Variants in KCNH8 observed in about 807,000 individuals in gnomAD.
KCNH8 encodes potassium voltage-gated channel subfamily H member 8.
In KCNH8, 70 loss-of-function variants were observed where a neutral mutation model predicts 103.6. The ratio of observed to expected loss-of-function variants is 0.68; its 90% CI spans 0.56 to 0.82. The LOEUF is 0.82. KCNH8 is among the 40% of genes least tolerant of loss of function. The pLI is 0.00. For synonymous variants in KCNH8, 498 were observed against 489.4 expected (o/e 1.02, Z -0.23); for missense variants, 1,217 against 1,329.9 (o/e 0.92, Z 1.32).
At chr3:19,321,105 T>G (rs918432986) in intron 3 of KCNH8, among the ~76,000 whole-genome samples, 2 of 152,030 alleles carry the variant, frequency 1.3e-5, no homozygotes, top group African/African-American at 4.8e-5. Context: ...TGATGGTCTA[T>G]GCGTTTTATT....
chr3:19,476,193 C>T (rs1055025045), intron 11 of KCNH8, among the ~76,000 whole-genome samples: 4 of 152,240 alleles, frequency 2.6e-5, no homozygotes, highest in South Asian at 2.1e-4. Context: ...GCTAATTGAG[C>T]TTAACCGAGG....
At chr3:19,322,458 T>C (rs1273425621) in intron 3 of KCNH8, among the ~76,000 whole-genome samples, 1 of 152,202 alleles carries the variant, frequency 6.6e-6, no homozygotes, top group Non-Finnish European at 1.5e-5. Flanking sequence ...TGAAGCTTAG[T>C]TTCACTGCAT....
At position 19,281,285 on chromosome 3, in the gene KCNH8, T is replaced by C. The variant is rs1235273335; in HGVS notation, c.398T>C (p.Ile133Thr). The C allele has an allele frequency of 1.2e-6, 2 of 1,611,018 alleles. No individual in the cohort carries two copies. The highest frequency in any genetic ancestry group is 8.5e-7 in the Non-Finnish European group (1 of 1,178,196). Residue 133 changes from isoleucine to threonine, a missense_variant, in exon 3 of 16, where the codon ATA (isoleucine) becomes ACA (threonine). By Grantham distance (89) the Ile-to-Thr change is moderately conservative. This residue lies in a region of KCNH8 where 244 missense variants were observed against 256.8 expected (regional missense o/e 0.95). Coordinates refer to ENST00000328405, the MANE Select transcript of KCNH8 (RefSeq NM_144633.3). ...VVLFLASFKD[I>T]TDTKVKITPE... Reference sequence around the variant, plus strand: ...CTTTTTCTGGCCTCGTTCAAAGATATAACAGATACAAAAGTGAAGATTACT... The same window carrying C: ...CTTTTTCTGGCCTCGTTCAAAGATACAACAGATACAAAAGTGAAGATTACT...
In KCNH8 at chr3:19,451,319, T is replaced by A. The variant is rs767727638; in HGVS notation, c.1740T>A (p.Arg580=). The part of the protein sequence containing the change: ...SFCAPGEYLL[R]QGDALQAIYF... ...GTGCTCCGGGGGAGTATCTGCTGCG[T>A]CAAGGGGATGCTTTGCAGGCCATCT... Residue 580 remains arginine, a synonymous_variant, in exon 10 of 16, where the codon CGT becomes CGA. Coordinates refer to ENST00000328405, the MANE Select transcript of KCNH8 (RefSeq NM_144633.3). 3 of 1,613,788 alleles carry A rather than the reference T, an allele frequency of 1.9e-6. No individual in the cohort carries two copies. The highest frequency in any genetic ancestry group is 1.7e-5 in the Admixed American group (1 of 59,958).
intron 1 of KCNH8, among the ~76,000 whole-genome samples, chr3:19,239,713 A>C (rs1028428230): frequency 2.0e-5 from 3 of 151,902 alleles, no homozygotes; most frequent in African/African-American, 7.3e-5. Context: ...TAAGCTGTCT[A>C]TCTAATCTAG....
Position 19,395,094 on chromosome 3 carries a change from C to T in KCNH8, c.970-10C>T, listed in dbSNP as rs1255855982. On this transcript the variant is annotated splice_polypyrimidine_tract_variant and intron_variant, in intron 6 of 15. Coordinates refer to ENST00000328405, the MANE Select transcript of KCNH8 (RefSeq NM_144633.3). ...TGCACCAAGTTGTGCTGCTCTGTCT[C>T]TTACCACAGGTGTCTCTCGTGCATC... 1 of 1,607,226 alleles carries T rather than the reference C, an allele frequency of 6.2e-7. No homozygotes were observed. The highest frequency in any genetic ancestry group is 1.7e-5 in the Admixed American group (1 of 59,882).
intron 2 of KCNH8, among the ~76,000 whole-genome samples, chr3:19,261,107 A>G (rs1219612118): frequency 1.3e-5 from 2 of 151,246 alleles, no homozygotes; most frequent in East Asian, 3.9e-4. Context: ...TTCTTTTAAT[A>G]TATACTCAGA....
At chr3:19,290,743 A>C (rs2064908597) in intron 3 of KCNH8, among the ~76,000 whole-genome samples, 1 of 152,194 alleles carries the variant, frequency 6.6e-6, no homozygotes, top group South Asian at 2.1e-4. Context: ...CTTTGGTATC[A>C]GGATGATGCT....
intron 7 of KCNH8, among the ~76,000 whole-genome samples, chr3:19,403,361 AATATATATATATATATATATAT>A (rs57523893): frequency 0.026 from 3,292 of 124,552 alleles, 102 homozygotes; most frequent in Non-Finnish European, 0.043. Context: ...ATATGTAAAG[AATATATATATATATATATATAT>A]ATATATATAT....
chr3:19,433,186 C>T (rs1173530499), intron 7 of KCNH8, among the ~76,000 whole-genome samples: 2 of 152,108 alleles, frequency 1.3e-5, no homozygotes, highest in East Asian at 3.9e-4. Flanking sequence ...CTGGCAACCT[C>T]TGGACTAGTT....
At chr3:19,280,587 T>G (rs915446105) in intron 2 of KCNH8, among the ~76,000 whole-genome samples, 3 of 152,114 alleles carry the variant, frequency 2.0e-5, no homozygotes, top group Non-Finnish European at 4.4e-5. Flanking sequence ...TTTCAAATGA[T>G]TGTAAGTCAC....
chr3:19,503,171 GA>G (rs2125235430), intron 11 of KCNH8, among the ~76,000 whole-genome samples: 1 of 151,056 alleles, frequency 6.6e-6, no homozygotes, highest in South Asian at 2.1e-4. Context: ...AAAAACACAT[GA>G]AAAAATGCTC....
intron 11 of KCNH8, among the ~76,000 whole-genome samples, chr3:19,475,402 T>C (rs896615909): frequency 1.3e-5 from 2 of 152,154 alleles, no homozygotes; most frequent in African/African-American, 2.4e-5. Flanking sequence ...ATCCCTGTGA[T>C]TTTTCCCAAA....
At chr3:19,371,380 A>G (rs2066092294) in intron 5 of KCNH8, among the ~76,000 whole-genome samples, 1 of 151,390 alleles carries the variant, frequency 6.6e-6, no homozygotes, top group Non-Finnish European at 1.5e-5. Flanking sequence ...GCATTTTTTC[A>G]TGTGTTTTTT....
intron 5 of KCNH8, among the ~76,000 whole-genome samples, chr3:19,381,306 C>G (rs1056830247): frequency 6.6e-6 from 1 of 152,108 alleles, no homozygotes; most frequent in African/African-American, 2.4e-5. Flanking sequence ...ATCATGTCTT[C>G]AAAAATAGTG....
chr3:19,503,780 G>GCTAC lies in KCNH8; in HGVS notation c.2041-6583_2041-6582insCTAC, dbSNP rs1481182449. 3.1e-4 allele frequency among the ~76,000 whole-genome samples: 47 copies of GCTAC among 149,776 alleles called. 1 individual carries two copies. The highest frequency in any genetic ancestry group is 1.1e-3 in the African/African-American group (44 of 40,612). The stretch of plus-strand genomic sequence containing the variant: ...ACATCACACTCTGGGGACTATTGTG[G>GCTAC]GGTAGGGGGAGGGGGGAGGGATAGC... On this transcript the variant is annotated intron_variant, in intron 11 of 15. Transcript: ENST00000328405.
chr3:19,420,460 C>A (rs547248887), intron 7 of KCNH8, among the ~76,000 whole-genome samples: 2 of 152,008 alleles, frequency 1.3e-5, no homozygotes, highest in African/African-American at 4.8e-5. Context: ...AGAGGGAGGG[C>A]GGTATTTCTA....
intron 5 of KCNH8, among the ~76,000 whole-genome samples, chr3:19,381,419 T>TA (rs1233447760): frequency 1.3e-5 from 2 of 152,126 alleles, no homozygotes; most frequent in East Asian, 1.9e-4. Flanking sequence ...TTATAAAAGT[T>TA]AAAAAATAAA....
At chr3:19,427,121 G>A (rs1469687697) in intron 7 of KCNH8, among the ~76,000 whole-genome samples, 1 of 152,194 alleles carries the variant, frequency 6.6e-6, no homozygotes, top group African/African-American at 2.4e-5. Flanking sequence ...TGGGGAGTTA[G>A]ATCTAGATAT....
Sources: gnomAD v4.1 joint callset for allele counts (sites outside exome capture counted in the v4.1 genomes callset) on GRCh38, gnomAD v4.1.1 for gene constraint, gnomAD v4.1.1 regional missense constraint, MANE v1.5 for transcripts, NCBI Gene and HGNC (gene_info 2026-07-23, HGNC 2026-07-21) for gene names.